RAVER2: variants seen among roughly 807,000 people sequenced by gnomAD.
The protein encoded by RAVER2 is ribonucleoprotein, PTB binding 2, also known as ribonucleoprotein PTB-binding 2.
RAVER2 carries 46 observed loss-of-function variants against 78.1 expected under a neutral mutation model. The observed-to-expected ratio is 0.59, with a 90% CI of 0.46 to 0.75. The LOEUF (loss-of-function observed/expected upper bound fraction) is 0.75. Ranked by LOEUF, RAVER2 falls within the 30% of genes least tolerant of loss-of-function variation. The probability of loss-of-function intolerance (pLI) is 0.00; values close to 1 mark genes in which losing one functional copy is unlikely to be tolerated. For missense variants in RAVER2, 793 were observed against 837.5 expected (o/e 0.95, Z 0.66); for synonymous variants, 311 against 313.3 (o/e 0.99, Z 0.08).
intron 1 of RAVER2, among the ~76,000 whole-genome samples, chr1:64,768,220 G>C (rs1424675705): frequency 6.6e-6 from 1 of 151,936 alleles, no homozygotes; most frequent in Non-Finnish European, 1.5e-5. Flanking sequence ...CATAAATAAA[G>C]TTATGACCAT....
At chr1:64,763,911 C>T (rs1174707440) in intron 1 of RAVER2, among the ~76,000 whole-genome samples, 8 of 125,562 alleles carry the variant, frequency 6.4e-5, no homozygotes, top group African/African-American at 2.4e-4. Context: ...CTCAAAAAAA[C>T]AAAAATACAC....
chr1:64,809,450 T>G (rs915646308), intron 9 of RAVER2, among the ~76,000 whole-genome samples: 2 of 151,876 alleles, frequency 1.3e-5, no homozygotes, highest in African/African-American at 4.8e-5. Flanking sequence ...CAGTAAGTCT[T>G]GAGTCTACCT....
At chr1:64,813,197 C>G (rs537346712) in intron 10 of RAVER2, among the ~76,000 whole-genome samples, 2 of 152,286 alleles carry the variant, frequency 1.3e-5, no homozygotes, top group South Asian at 2.1e-4. Context: ...AACCCTCAAG[C>G]CTTCAATTAC....
intron 11 of RAVER2, among the ~76,000 whole-genome samples, chr1:64,819,129 G>A (rs1031117642): frequency 3.9e-5 from 6 of 151,946 alleles, no homozygotes; most frequent in Non-Finnish European, 4.4e-5. Context: ...GATAGTTGAA[G>A]AAGCAAGAAA....
chr1:64,823,419 TA>T (rs1416219297), intron 11 of RAVER2, among the ~76,000 whole-genome samples: 4 of 152,180 alleles, frequency 2.6e-5, no homozygotes, highest in African/African-American at 9.6e-5. Context: ...TGGGAAAACT[TA>T]AATCAGAAAT....
chr1:64,778,814 G>A (rs893639217), intron 3 of RAVER2, among the ~76,000 whole-genome samples: 3 of 147,682 alleles, frequency 2.0e-5, no homozygotes, highest in Non-Finnish European at 3.0e-5. Context: ...CCTTTTTACC[G>A]CACTCCCTTC....
chr1:64,779,354 A>G (rs1222246343), intron 3 of RAVER2, among the ~76,000 whole-genome samples: 3 of 151,672 alleles, frequency 2.0e-5, no homozygotes, highest in Middle Eastern at 3.2e-3. Flanking sequence ...GCTTCCGCAC[A>G]TGGGTGAAAT....
chr1:64,829,640 C>T (rs927062670), intron 11 of RAVER2, among the ~76,000 whole-genome samples: 21 of 152,150 alleles, frequency 1.4e-4, no homozygotes, highest in African/African-American at 3.6e-4. Context: ...TATCAACTTA[C>T]GGCAGGTCTC....
intron 3 of RAVER2, 55 bp downstream of exon 3, chr1:64,778,147 A>C (rs1652525675): frequency 8.0e-7 from 1 of 1,242,978 alleles, no homozygotes; most frequent in East Asian, 2.6e-5. Context: ...ATATGTATCT[A>C]ATCTACATAC....
intron 5 of RAVER2, among the ~76,000 whole-genome samples, chr1:64,799,849 G>A (rs948983844): frequency 6.6e-6 from 1 of 152,090 alleles, no homozygotes; most frequent in East Asian, 1.9e-4. Context: ...CATAATGGCT[G>A]TACTAATTTG....
chr1:64,749,714 A>G (rs1344889400), intron 1 of RAVER2, among the ~76,000 whole-genome samples: 1 of 152,240 alleles, frequency 6.6e-6, no homozygotes, highest in African/African-American at 2.4e-5. Flanking sequence ...GTTCCTATTC[A>G]TAGCCATTGT....
chr1:64,768,783 C>A, intron 2 of RAVER2, 61 bp downstream of exon 2: 3 of 1,061,492 alleles, frequency 2.8e-6, no homozygotes, highest in Middle Eastern at 2.3e-4. Context: ...CGTTATAGAA[C>A]AAAAAAGCTC....
At chr1:64,794,302 G>A (rs938992287) in intron 5 of RAVER2, among the ~76,000 whole-genome samples, 6 of 151,608 alleles carry the variant, frequency 4.0e-5, no homozygotes, top group Non-Finnish European at 8.8e-5. Flanking sequence ...GGAGGCTGAG[G>A]CAGGAGAATG....
chr1:64,807,440 A>G, exon 9 of RAVER2: 1 of 1,614,116 alleles, frequency 6.2e-7, no homozygotes. Flanking sequence ...AAGCAGCAGC[A>G]AAGCCAGCCA....
At chr1:64,759,511 G>A (rs901040280) in intron 1 of RAVER2, among the ~76,000 whole-genome samples, 1 of 149,678 alleles carries the variant, frequency 6.7e-6, no homozygotes, top group African/African-American at 2.5e-5. Flanking sequence ...GAGCCACCGC[G>A]CCCGGCCTAT....
intron 9 of RAVER2, among the ~76,000 whole-genome samples, chr1:64,811,196 G>A (rs544962458): frequency 2.0e-5 from 3 of 152,278 alleles, no homozygotes; most frequent in African/African-American, 4.8e-5. Context: ...ACTGTAGTGT[G>A]TACCGTACTA....
intron 2 of RAVER2, among the ~76,000 whole-genome samples, chr1:64,774,251 C>G (rs535564923): frequency 6.6e-6 from 1 of 152,172 alleles, no homozygotes; most frequent in South Asian, 2.1e-4. Flanking sequence ...AAGTCTTTGC[C>G]CATGCCTATG....
intron 1 of RAVER2, among the ~76,000 whole-genome samples, chr1:64,754,832 C>T (rs535021923): frequency 1.3e-5 from 2 of 152,198 alleles, no homozygotes; most frequent in African/African-American, 2.4e-5. Flanking sequence ...AAAGCTGTTG[C>T]TTCAGTAGAG....
In RAVER2 at chr1:64,768,072, A is replaced by C. The variant is rs1029886372; in HGVS notation, c.250-584A>C. On this transcript the variant is annotated intron_variant, in intron 1 of 11. Coordinates refer to ENST00000294428, the Ensembl canonical transcript of RAVER2. ...CAGGGATCTCTAAGCTCAGGTTTAC[A>C]ATCTATTTTATTTTTATTTTTTTAC... Among the ~76,000 whole-genome samples, 10 of 152,106 alleles carry C rather than the reference A, an allele frequency of 6.6e-5. No homozygotes were observed. In the East Asian group the frequency reaches 1.9e-3, roughly 29 times the overall value.
Sources: allele counts gnomAD v4.1 joint callset (sites outside exome capture counted in the v4.1 genomes callset), GRCh38; gene constraint gnomAD v4.1.1; transcripts MANE v1.5; gene names NCBI Gene and HGNC (gene_info 2026-07-23, HGNC 2026-07-21).